Variants in STRN3 observed in about 807,000 individuals in gnomAD.
The protein encoded by STRN3 is striatin-3.
In STRN3, 29 loss-of-function variants were observed where a neutral mutation model predicts 95.6. The ratio of observed to expected loss-of-function variants is 0.30; its 90% CI spans 0.23 to 0.41. STRN3 has a LOEUF of 0.41. Ranked by LOEUF, STRN3 falls within the 10% of genes least tolerant of loss-of-function variation. The probability of loss-of-function intolerance (pLI) is 1.00; values close to 1 mark genes in which losing one functional copy is unlikely to be tolerated. For missense variants in STRN3, 890 were observed against 972.1 expected (o/e 0.92, Z 1.12); for synonymous variants, 331 against 357.6 (o/e 0.93, Z 0.84).
chr14:30,953,516 C>T (rs939873109), intron 3 of STRN3, among the ~76,000 whole-genome samples: 1 of 152,178 alleles, frequency 6.6e-6, no homozygotes, highest in Admixed American at 6.5e-5. Context: ...GAAGACTGTT[C>T]TAGTTGTTTC....
intron 16 of STRN3, among the ~76,000 whole-genome samples, chr14:30,898,364 A>C (rs920398424): frequency 6.6e-6 from 1 of 152,162 alleles, no homozygotes; most frequent in Non-Finnish European, 1.5e-5. Flanking sequence ...TCTCTAAACC[A>C]AAAGACTTTT....
chr14:30,947,076 A>G lies in STRN3; in HGVS notation c.716+14T>C, dbSNP rs1319622568. The G allele has an allele frequency of 3.2e-6, 5 of 1,548,890 alleles. No individual in the cohort carries two copies. In the East Asian group the frequency reaches 1.1e-4, roughly 35 times the overall value. ...AATATCCATTATATAAACTATGTTA[A>G]GTATAAATCATACCTTTTTATTTCT... On this transcript the variant is annotated intron_variant, in intron 5 of 17. Coordinates refer to ENST00000357479, the MANE Select transcript of STRN3 (RefSeq NM_001083893.2).
At chr14:30,969,310 G>A (rs915206890) in intron 1 of STRN3, among the ~76,000 whole-genome samples, 5 of 152,010 alleles carry the variant, frequency 3.3e-5, no homozygotes, top group African/African-American at 1.2e-4. Flanking sequence ...GGTGGCAGGT[G>A]CCTTTAGTGC....
Position 30,929,204 on chromosome 14 carries a change from T to A in STRN3, c.1096A>T (p.Lys366Ter), listed in dbSNP as rs1878354240. The stretch of plus-strand genomic sequence containing the variant: ...AATAGTCAGAATCTGCACTTACTCT[T>A]CACCCCTTTCTTCCCCTTTCGTTCC... Reference protein sequence around the residue: ...KKERKGKKGVKRANRTKLYDM... With the variant: ...KKERKGKKGV The change falls in exon 8 of 18, where the codon AAG (lysine) becomes TAG (stop). Residue 366 changes from lysine (K) to a stop codon, truncating the protein, a stop_gained. Transcript: ENST00000357479. LOFTEE classifies it high-confidence loss of function. 6.2e-7 allele frequency: 1 copy of A among 1,607,926 alleles called. No homozygotes were observed. Among genetic ancestry groups the A allele is most frequent in the Non-Finnish European group, 8.5e-7 (1 of 1,177,468 alleles).
At chr14:30,983,450 C>T (rs1191926758) in intron 1 of STRN3, among the ~76,000 whole-genome samples, 4 of 152,166 alleles carry the variant, frequency 2.6e-5, no homozygotes, top group African/African-American at 9.7e-5. Context: ...GAGGCTGAGA[C>T]GGGGGAATCG....
intron 1 of STRN3, among the ~76,000 whole-genome samples, chr14:30,967,146 T>C (rs1274541238): frequency 1.3e-5 from 2 of 151,634 alleles, no homozygotes; most frequent in African/African-American, 4.8e-5. Context: ...ACCCCACCTT[T>C]TCCTTTCTTC....
chr14:31,020,172 C>T (rs899203470), intron 1 of STRN3, among the ~76,000 whole-genome samples: 1 of 152,274 alleles, frequency 6.6e-6, no homozygotes, highest in African/African-American at 2.4e-5. Context: ...ATTAAATGTA[C>T]TGAAGAACCA....
At position 30,947,301 on chromosome 14, in the gene STRN3, T is replaced by TA. The variant is rs761246567; in HGVS notation, c.543-39dup. ...ATAAATATTAAAATCCACATACTGT[T>TA]AACATGTGCCAGACTCAAAATCACA... On this transcript the variant is annotated intron_variant, in intron 4 of 17. Transcript: ENST00000357479. The TA allele has an allele frequency of 1.3e-4, 188 of 1,474,014 alleles. No individual in the cohort carries two copies. In the African/African-American group the frequency reaches 2.3e-3, roughly 18 times the overall value. 91.3% of individuals were successfully genotyped at this position (1,474,014 alleles called of 1,614,324 possible). A position where few individuals can be genotyped will look rare whatever the true frequency, so the allele number is the denominator to read the frequency against.
At chr14:30,972,179 C>A (rs757869504) in intron 1 of STRN3, among the ~76,000 whole-genome samples, 36 of 152,134 alleles carry the variant, frequency 2.4e-4, no homozygotes, top group Non-Finnish European at 4.7e-4. Context: ...CTGATTCATT[C>A]CAATTACCTA....
intron 16 of STRN3, 59 bp downstream of exon 16, chr14:30,902,477 A>G: frequency 8.4e-7 from 1 of 1,193,970 alleles, no homozygotes. Context: ...ATAAAACAGC[A>G]TTTTTGATCA....
rs60041692 is a variant in STRN3, at chr14:30,970,328, C to T, written c.283-14086G>A. Among the ~76,000 whole-genome samples the T allele has an allele frequency of 4.6e-4, 70 of 152,282 alleles. No individual in the cohort carries two copies. In the East Asian group the frequency reaches 9.8e-3, roughly 21 times the overall value. ...AGTGTCAACCAGGAGTCTGGCCCCC[C>T]GATGTAGAGCTTTTATGCCGTAGTT... On this transcript the variant is annotated intron_variant, in intron 1 of 17. Coordinates refer to ENST00000357479, the MANE Select transcript of STRN3 (RefSeq NM_001083893.2).
chr14:30,934,817 A>T (rs1156798215), intron 7 of STRN3, among the ~76,000 whole-genome samples: 1 of 152,152 alleles, frequency 6.6e-6, no homozygotes, highest in African/African-American at 2.4e-5. Context: ...CTAAATCTAG[A>T]ATACCAAATT....
chr14:31,015,918 C>T (rs1883217019), intron 1 of STRN3, among the ~76,000 whole-genome samples: 1 of 152,182 alleles, frequency 6.6e-6, no homozygotes, highest in Non-Finnish European at 1.5e-5. Context: ...CCATCTCACT[C>T]CTCCACCAGG....
chr14:30,981,957 A>G lies in STRN3; in HGVS notation c.283-25715T>C, dbSNP rs1354016130. ...TAAAAATACAAAAATTAGCCCAGGCATGATGGCGTGTGCCTGTAATCCCAG... is the reference window on the plus strand; with the variant it reads ...TAAAAATACAAAAATTAGCCCAGGCGTGATGGCGTGTGCCTGTAATCCCAG... On this transcript the variant is annotated intron_variant, in intron 1 of 17. Coordinates refer to ENST00000357479, the MANE Select transcript of STRN3 (RefSeq NM_001083893.2). 2.6e-5 allele frequency among the ~76,000 whole-genome samples: 4 copies of G among 152,032 alleles called. No individual in the cohort carries two copies. The South Asian group carries it at 6.2e-4, about 24-fold the overall frequency.
rs751562017 is a variant in STRN3 at position 30,895,499 on chromosome 14, T to C, written c.2306A>G (p.Asp769Gly). ...QEITAHRKKL[D>G]ESIYDVAFHS... ...GAAAGCAACATCATAAATTGATTCA[T>C]CCAATTTCTTTCTGTGAGCTGTTAT... The change falls in exon 18 of 18, where the codon GAT (aspartate) becomes GGT (glycine). Residue 769 changes from aspartate (D) to glycine (G), a missense_variant. Physicochemically the swap from Asp to Gly is moderately conservative, Grantham distance 94. Transcript: ENST00000357479. The C allele has an allele frequency of 6.2e-7, 1 of 1,614,138 alleles. No homozygotes were observed. Among genetic ancestry groups the C allele is most frequent in the Admixed American group, 1.7e-5 (1 of 60,022 alleles).
chr14:30,971,318 A>C (rs1775435692), intron 1 of STRN3, among the ~76,000 whole-genome samples: 1 of 152,214 alleles, frequency 6.6e-6, no homozygotes, highest in Non-Finnish European at 1.5e-5. Flanking sequence ...AGACATCGTA[A>C]AGTGAGAGAA....
intron 5 of STRN3, among the ~76,000 whole-genome samples, chr14:30,944,557 A>ATATACACG (rs1357308205): frequency 7.6e-4 from 51 of 67,444 alleles, no homozygotes; most frequent in Middle Eastern, 7.8e-3. Context: ...ATACACGTAT[A>ATATACACG]TATATATATA....
chr14:30,902,209 TGG>T, intron 16 of STRN3, among the ~76,000 whole-genome samples: 1 of 70,136 alleles, frequency 1.4e-5, no homozygotes, highest in African/African-American at 5.4e-5. Flanking sequence ...AAAAAAAAAA[TGG>T]AAATGCCAAA....
chr14:30,999,679 G>T (rs1474373979), intron 1 of STRN3, among the ~76,000 whole-genome samples: 1 of 152,052 alleles, frequency 6.6e-6, no homozygotes. Flanking sequence ...AGAAACCTGT[G>T]GGACACCATT....
Sources: allele counts gnomAD v4.1 joint callset (sites outside exome capture counted in the v4.1 genomes callset), GRCh38; gene constraint gnomAD v4.1.1; transcripts MANE v1.5; gene names NCBI Gene and HGNC (gene_info 2026-07-23, HGNC 2026-07-21).